Variants in FANCA observed in about 807,000 individuals in gnomAD.
FANCA encodes the protein Fanconi anemia group A protein.
FANCA carries 236 observed loss-of-function variants against 194.3 expected under a neutral mutation model. The ratio of observed to expected loss-of-function variants is 1.21; its 90% CI spans 1.09 to 1.35. The LOEUF is 1.35. Among genes scored for constraint, FANCA ranks in the 40% most tolerant of loss-of-function variants. The pLI is 0.00. For synonymous variants in FANCA, 1,014 were observed against 715.8 expected (o/e 1.42, Z -6.65); for missense variants, 2,628 against 1,813.9 (o/e 1.45, Z -8.15).
chr16:89,816,002 G>A lies in FANCA; in HGVS notation c.80-16C>T, dbSNP rs745975676. ...ACCCTTCCCGCTACGGAGAGAAGTC[G>A]GTTCGAAACCATCACAGCACAATTC... On this transcript the variant is annotated splice_polypyrimidine_tract_variant and intron_variant, in intron 1 of 42. Coordinates refer to ENST00000389301, the MANE Select transcript of FANCA (RefSeq NM_000135.4). The A allele has an allele frequency of 3.8e-6, 6 of 1,593,890 alleles. No individual in the cohort carries two copies. The African/African-American group carries it at 5.4e-5, about 14-fold the overall frequency.
rs377180908 is a variant in FANCA at position 89,746,909 on chromosome 16, C to G, written c.3349-19G>C. The G allele has an allele frequency of 6.4e-7, 1 of 1,552,120 alleles. No homozygotes were observed. Among genetic ancestry groups the G allele is most frequent in the African/African-American group, 1.4e-5 (1 of 73,158 alleles). On this transcript the variant is annotated intron_variant, in intron 33 of 42. Transcript: ENST00000389301. ...AGTTTCTCTGCAAAAGAGTTCAAGG[C>G]AGGTAAGAAAAGCCCACAGGAAGAG...
chr16:89,751,433 C>G (rs1222939020), intron 31 of FANCA, among the ~76,000 whole-genome samples: 1 of 152,154 alleles, frequency 6.6e-6, no homozygotes, highest in African/African-American at 2.4e-5. Context: ...GATCGCACCA[C>G]TGTACTCTAG....
intron 14 of FANCA, among the ~76,000 whole-genome samples, chr16:89,789,028 C>T (rs912456690): frequency 2.0e-5 from 3 of 151,910 alleles, no homozygotes. Context: ...TGAGCCGCGG[C>T]TCGGGGAGAC....
Position 89,770,147 on chromosome 16 carries a change from C to T in FANCA, c.2316+19G>A, listed in dbSNP as rs1421219472. Reference sequence around the variant, plus strand: ...CAGAGTGGGCCCCCAAGGGTGGCCCCCATGAAGGAGAGCCTCACCTGGTGA... The same window carrying T: ...CAGAGTGGGCCCCCAAGGGTGGCCCTCATGAAGGAGAGCCTCACCTGGTGA... On this transcript the variant is annotated intron_variant, in intron 25 of 42. Transcript: ENST00000389301. 1.5e-5 allele frequency: 24 copies of T among 1,577,070 alleles called. No individual in the cohort carries two copies. Among genetic ancestry groups the T allele is most frequent in the Non-Finnish European group, 2.1e-5 (24 of 1,161,714 alleles).
intron 31 of FANCA, among the ~76,000 whole-genome samples, chr16:89,751,898 GTA>G (rs749149368): frequency 3.3e-5 from 5 of 151,886 alleles, no homozygotes; most frequent in Non-Finnish European, 7.4e-5. Flanking sequence ...AGCCTCCCGA[GTA>G]GGTGGGGCTA....
intron 29 of FANCA, among the ~76,000 whole-genome samples, chr16:89,761,395 G>C (rs575856464): frequency 6.7e-6 from 1 of 148,528 alleles, no homozygotes; most frequent in Non-Finnish European, 1.5e-5. Context: ...TTCCAGCCTG[G>C]GTGACAGAGC....
intron 37 of FANCA, among the ~76,000 whole-genome samples, chr16:89,742,431 G>A (rs186027149): frequency 1.7e-3 from 260 of 151,990 alleles, no homozygotes; most frequent in African/African-American, 5.9e-3. Flanking sequence ...CAGCCTGGGC[G>A]ACAGTGAGAC....
At position 89,792,522 on chromosome 16, in the gene FANCA, T is replaced by C; in HGVS notation, c.1032A>G (p.Arg344=). Residue 344 remains arginine, a synonymous_variant, in exon 12 of 43, where the codon AGA becomes AGG. Coordinates refer to ENST00000389301, the MANE Select transcript of FANCA (RefSeq NM_000135.4). ...LKASDAVQMQ[R]EWSFARTHPL... is the part of the protein sequence containing the mutation. ...GGTGTGTCCGCGCAAAGCTCCACTC[T>C]CTCTGCATCTGAACAGCATCAGATG... 1 of 1,613,276 alleles carries C rather than the reference T, an allele frequency of 6.2e-7. No homozygotes were observed. Among genetic ancestry groups the C allele is most frequent in the Non-Finnish European group, 8.5e-7 (1 of 1,179,968 alleles).
chr16:89,784,920 C>G lies in FANCA; in HGVS notation c.1404G>C (p.Lys468Asn), dbSNP rs755713516. The G allele has an allele frequency of 1.2e-6, 2 of 1,614,048 alleles. No individual in the cohort carries two copies. The highest frequency in any genetic ancestry group is 1.7e-5 in the Admixed American group (1 of 59,986). Reference protein sequence around the residue: ...STRGYHGCSKKALVFLFTFLS... With the variant: ...STRGYHGCSKNALVFLFTFLS... Reference sequence around the variant, plus strand: ...AGAACGTAAACAGGAAGACCAGGGCCTTCTTGCTGCAGCCATGGTAGCCTC... The same window carrying G: ...AGAACGTAAACAGGAAGACCAGGGCGTTCTTGCTGCAGCCATGGTAGCCTC... Residue 468 changes from lysine (K) to asparagine (N), a missense_variant, in exon 15 of 43, where the codon AAG (lysine) becomes AAC (asparagine). Coordinates refer to ENST00000389301, the MANE Select transcript of FANCA (RefSeq NM_000135.4).
intron 30 of FANCA, among the ~76,000 whole-genome samples, chr16:89,757,248 C>T (rs2143212427): frequency 6.6e-6 from 1 of 152,294 alleles, no homozygotes; most frequent in East Asian, 1.9e-4. Flanking sequence ...GCATGAGCCA[C>T]TGCGCCCAGC....
At chr16:89,748,575 G>T (rs760018537) in intron 33 of FANCA, 84 bp downstream of exon 33, 3 of 1,031,160 alleles carry the variant, frequency 2.9e-6, no homozygotes, top group African/African-American at 1.6e-5. Context: ...CACACGGTCA[G>T]TACACGCATG....
rs1598074664 is a variant in FANCA at position 89,748,720 on chromosome 16, T to G, written c.3287A>C (p.Gln1096Pro). ...PSSVLCGSSF[Q>P]AEQPITARCE... ...TCTGGCAGTGATGGGCTGTTCTGCCTGGAAGCTGCTGCCGCAGAGGACAGA... is the reference window on the plus strand; with the variant it reads ...TCTGGCAGTGATGGGCTGTTCTGCCGGGAAGCTGCTGCCGCAGAGGACAGA... Residue 1096 changes from glutamine to proline, a missense_variant, in exon 33 of 43, where the codon CAG (glutamine) becomes CCG (proline). Coordinates refer to ENST00000389301, the MANE Select transcript of FANCA (RefSeq NM_000135.4). 6.2e-7 allele frequency: 1 copy of G among 1,614,108 alleles called. No homozygotes were observed. Among genetic ancestry groups the G allele is most frequent in the Non-Finnish European group, 8.5e-7 (1 of 1,180,024 alleles).
chr16:89,798,565 A>G (rs2040326303), intron 10 of FANCA: 9 of 1,135,970 alleles, frequency 7.9e-6, no homozygotes, highest in Non-Finnish European at 6.5e-6. Flanking sequence ...ACTAGAGGGA[A>G]GCAAACCCCA....
At chr16:89,744,923 T>C in intron 36 of FANCA, 36 bp downstream of exon 36, 1 of 1,589,734 alleles carries the variant, frequency 6.3e-7, no homozygotes, top group Non-Finnish European at 8.6e-7. Flanking sequence ...GAAGTGCATC[T>C]GGGCGGGCAC....
intron 20 of FANCA, chr16:89,778,311 C>T: frequency 3.3e-6 from 1 of 303,220 alleles, no homozygotes; most frequent in Non-Finnish European, 6.3e-6. Context: ...ACTAAAAATA[C>T]AAAAATTAGC....
chr16:89,759,068 C>G (rs2038856195), intron 29 of FANCA, among the ~76,000 whole-genome samples: 1 of 152,038 alleles, frequency 6.6e-6, no homozygotes. Flanking sequence ...TGCCTGTAAT[C>G]CCAGCACTTT....
chr16:89,784,996 C>T (rs1350456934), intron 14 of FANCA, 32 bp from the exon 15 acceptor site: 1 of 1,533,596 alleles, frequency 6.5e-7, no homozygotes, highest in African/African-American at 1.4e-5. Context: ...AAGCCCAGGA[C>T]AGCCAGGCGC....
chr16:89,796,279 C>T (rs532139393), intron 10 of FANCA, among the ~76,000 whole-genome samples: 9 of 152,046 alleles, frequency 5.9e-5, no homozygotes, highest in East Asian at 3.9e-4. Flanking sequence ...GGGCAGGCCG[C>T]GCCACACCCG....
intron 37 of FANCA, among the ~76,000 whole-genome samples, chr16:89,741,596 T>A (rs1216217197): frequency 6.6e-6 from 1 of 152,168 alleles, no homozygotes; most frequent in African/African-American, 2.4e-5. Context: ...GTCACTGGTC[T>A]TGTGGGGGCA....
Sources: gnomAD v4.1 joint callset for allele counts (sites outside exome capture counted in the v4.1 genomes callset) on GRCh38, gnomAD v4.1.1 for gene constraint, MANE v1.5 for transcripts, NCBI Gene and HGNC (gene_info 2026-07-23, HGNC 2026-07-21) for gene names.